The following NKAIN3 variants were observed in gnomAD, a reference collection of about 807,000 sequenced individuals.
NKAIN3 encodes sodium/potassium-transporting ATPase subunit beta-1-interacting protein 3.
Under a neutral mutation model 30.2 loss-of-function variants are expected in NKAIN3, and 25 were observed. The observed-to-expected ratio is 0.83, with a 90% CI of 0.60 to 1.16. The LOEUF (loss-of-function observed/expected upper bound fraction) is 1.16, where lower values mean the gene tolerates loss of function less well. NKAIN3 is among the 50% of genes most tolerant of loss of function. NKAIN3 has a pLI of 0.00. For synonymous variants in NKAIN3, 91 were observed against 89.6 expected (o/e 1.02, Z -0.09); for missense variants, 225 against 254.1 (o/e 0.89, Z 0.78).
intron 1 of NKAIN3, among the ~76,000 whole-genome samples, chr8:62,342,235 CAAAAA>C (rs3058285): frequency 8.0e-6 from 1 of 124,788 alleles, no homozygotes; most frequent in East Asian, 2.3e-4. Flanking sequence ...ACCACTGAAC[CAAAAA>C]AAAAAAAAAA....
At chr8:62,691,250 A>G (rs1813957449) in intron 3 of NKAIN3, among the ~76,000 whole-genome samples, 1 of 152,076 alleles carries the variant, frequency 6.6e-6, no homozygotes, top group Non-Finnish European at 1.5e-5. Flanking sequence ...TATTGTAGAG[A>G]GGTGCACTGA....
At chr8:62,806,901 C>CA (rs1316929148) in intron 4 of NKAIN3, among the ~76,000 whole-genome samples, 2 of 151,650 alleles carry the variant, frequency 1.3e-5, no homozygotes, top group Non-Finnish European at 2.9e-5. Flanking sequence ...TACATGAGAC[C>CA]AAGCAGGGGA....
intron 1 of NKAIN3, among the ~76,000 whole-genome samples, chr8:62,289,968 A>G (rs188493368): frequency 0.028 from 4,327 of 152,170 alleles, 98 homozygotes; most frequent in Middle Eastern, 0.075. Flanking sequence ...ATCCCTTGTA[A>G]GTTGGATTCC....
intron 1 of NKAIN3, among the ~76,000 whole-genome samples, chr8:62,475,098 G>A (rs1202924830): frequency 1.3e-5 from 2 of 151,732 alleles, no homozygotes; most frequent in African/African-American, 4.8e-5. Flanking sequence ...ACTACAAACT[G>A]GAAAGTAAAA....
intron 4 of NKAIN3, among the ~76,000 whole-genome samples, chr8:62,805,141 G>A (rs909568323): frequency 6.6e-6 from 1 of 151,936 alleles, no homozygotes; most frequent in Non-Finnish European, 1.5e-5. Flanking sequence ...ACTGCTCAAT[G>A]AAATAAAAGA....
intron 6 of NKAIN3, among the ~76,000 whole-genome samples, chr8:62,955,473 G>A (rs1331907217): frequency 2.6e-5 from 4 of 151,960 alleles, no homozygotes; most frequent in Non-Finnish European, 4.4e-5. Flanking sequence ...GTGACTTAAA[G>A]AGTCTTCATA....
chr8:62,544,173 T>G (rs1489763378), intron 1 of NKAIN3, among the ~76,000 whole-genome samples: 1 of 152,050 alleles, frequency 6.6e-6, no homozygotes, highest in Non-Finnish European at 1.5e-5. Flanking sequence ...GGCTAATTTT[T>G]AGTATTTTTT....
intron 4 of NKAIN3, among the ~76,000 whole-genome samples, chr8:62,765,205 C>A (rs1248382699): frequency 7.6e-6 from 1 of 131,290 alleles, no homozygotes; most frequent in Non-Finnish European, 1.5e-5. Context: ...TGAGATCATG[C>A]CATTGCACTC....
intron 1 of NKAIN3, among the ~76,000 whole-genome samples, chr8:62,339,518 G>GTTC (rs1815672134): frequency 4.6e-5 from 7 of 151,906 alleles, no homozygotes. Context: ...GGAATTTTTG[G>GTTC]TTCTTGTAAG....
At chr8:62,678,295 G>A (rs2130408791) in intron 3 of NKAIN3, among the ~76,000 whole-genome samples, 1 of 152,272 alleles carries the variant, frequency 6.6e-6, no homozygotes, top group Admixed American at 6.5e-5. Context: ...TAGGCTGTAA[G>A]AAACTTGAAG....
chr8:62,927,843 G>A (rs576058344), intron 5 of NKAIN3, among the ~76,000 whole-genome samples: 1 of 152,116 alleles, frequency 6.6e-6, no homozygotes, highest in African/African-American at 2.4e-5. Context: ...AAACAGAAAT[G>A]TTTTTAAAGT....
intron 1 of NKAIN3, among the ~76,000 whole-genome samples, chr8:62,518,026 G>A (rs1207908085): frequency 2.0e-5 from 3 of 152,088 alleles, no homozygotes; most frequent in African/African-American, 4.8e-5. Flanking sequence ...AGTTAATTGT[G>A]AGGGAAATAT....
intron 1 of NKAIN3, among the ~76,000 whole-genome samples, chr8:62,306,332 A>C (rs1814238630): frequency 6.7e-6 from 1 of 150,332 alleles, no homozygotes; most frequent in Non-Finnish European, 1.5e-5. Context: ...GGAGGTGGGC[A>C]GTAATTAGAT....
chr8:62,920,972 T>A (rs1047408122), intron 5 of NKAIN3, among the ~76,000 whole-genome samples: 1 of 152,158 alleles, frequency 6.6e-6, no homozygotes, highest in Non-Finnish European at 1.5e-5. Flanking sequence ...CAGATGTAAT[T>A]AAGTTGTCCC....
At chr8:62,288,340 C>T (rs535974781) in intron 1 of NKAIN3, among the ~76,000 whole-genome samples, 2 of 152,212 alleles carry the variant, frequency 1.3e-5, no homozygotes, top group East Asian at 1.9e-4. Flanking sequence ...GTCCTGCACC[C>T]GTTAACTCAT....
intron 3 of NKAIN3, among the ~76,000 whole-genome samples, chr8:62,736,938 G>A (rs1435906454): frequency 3.9e-5 from 6 of 152,142 alleles, no homozygotes; most frequent in Non-Finnish European, 7.3e-5. Flanking sequence ...CTCAGCTCCA[G>A]GTAAGGTCAA....
intron 5 of NKAIN3, chr8:62,990,254 C>G: frequency 6.6e-7 from 1 of 1,525,086 alleles, no homozygotes; most frequent in Non-Finnish European, 8.9e-7. Flanking sequence ...GATATTATCA[C>G]CAAATTGTCA....
At chr8:62,798,989 G>A (rs1406772062) in intron 4 of NKAIN3, among the ~76,000 whole-genome samples, 2 of 152,082 alleles carry the variant, frequency 1.3e-5, no homozygotes, top group African/African-American at 2.4e-5. Flanking sequence ...GGACTCACAG[G>A]ACCAAGGTGT....
chr8:62,822,721 C>T (rs547156134), intron 4 of NKAIN3, among the ~76,000 whole-genome samples: 1 of 152,264 alleles, frequency 6.6e-6, no homozygotes, highest in South Asian at 2.1e-4. Flanking sequence ...AGGGGACTTC[C>T]TTTTGCCGAA....
Sources: allele counts gnomAD v4.1 joint callset (sites outside exome capture counted in the v4.1 genomes callset), GRCh38; gene constraint gnomAD v4.1.1; transcripts MANE v1.5; gene names NCBI Gene and HGNC (gene_info 2026-07-23, HGNC 2026-07-21).